Variants in PCDH9 observed in about 807,000 individuals in gnomAD.
PCDH9 encodes the protein protocadherin-9.
PCDH9 carries 24 observed loss-of-function variants against 70.6 expected under a neutral mutation model. That is an observed-to-expected ratio of 0.34 (90% CI 0.25 to 0.48). The LOEUF is 0.48. Ranked by LOEUF, PCDH9 falls within the 20% of genes least tolerant of loss-of-function variation. PCDH9 has a pLI of 0.99. For synonymous variants in PCDH9, 562 were observed against 558.5 expected (o/e 1.01, Z -0.09); for missense variants, 1,281 against 1,503.6 (o/e 0.85, Z 2.45).
At chr13:67,021,764 T>C (rs2084677254) in intron 2 of PCDH9, among the ~76,000 whole-genome samples, 1 of 152,094 alleles carries the variant, frequency 6.6e-6, no homozygotes, top group African/African-American at 2.4e-5. Context: ...TTCACCATGT[T>C]GGCCAGGCTG....
At chr13:66,562,591 G>A (rs1205327960) in intron 4 of PCDH9, among the ~76,000 whole-genome samples, 1 of 152,136 alleles carries the variant, frequency 6.6e-6, no homozygotes, top group African/African-American at 2.4e-5. Context: ...ATCAGATCTT[G>A]TGGGACATAT....
At chr13:67,111,751 G>A (rs1276425588) in intron 2 of PCDH9, among the ~76,000 whole-genome samples, 2 of 152,236 alleles carry the variant, frequency 1.3e-5, no homozygotes, top group South Asian at 2.1e-4. Flanking sequence ...CAGTGGAACC[G>A]AAGACAAAAT....
intron 3 of PCDH9, among the ~76,000 whole-genome samples, chr13:66,837,746 A>G (rs1043465712): frequency 6.6e-6 from 1 of 152,200 alleles, no homozygotes; most frequent in Non-Finnish European, 1.5e-5. Context: ...TCGTTAAAAA[A>G]CGACCTTTCC....
rs539082158 is a variant in PCDH9 at position 66,671,191 on chromosome 13, G to A, written c.3139-39780C>T. 4.5e-4 allele frequency among the ~76,000 whole-genome samples: 69 copies of A among 152,244 alleles called. 1 individual carries two copies. The highest frequency in any genetic ancestry group is 4.1e-3 in the Admixed American group (62 of 15,288). ...CTCCTTCGCCTTCTGCCACGATGGT[G>A]AGGCTCCCCAGCCATGTGGAACTGT... On this transcript the variant is annotated intron_variant, in intron 3 of 4. Coordinates refer to ENST00000377865, the MANE Select transcript of PCDH9 (RefSeq NM_203487.3).
chr13:66,789,460 A>G (rs1335861882), intron 3 of PCDH9, among the ~76,000 whole-genome samples: 2 of 152,034 alleles, frequency 1.3e-5, no homozygotes, highest in Admixed American at 1.3e-4. Context: ...TCATCAAAAG[A>G]GTCTCTATAC....
chr13:66,804,086 CA>C (rs1437900412), intron 3 of PCDH9, among the ~76,000 whole-genome samples: 1 of 152,170 alleles, frequency 6.6e-6, no homozygotes. Flanking sequence ...GCTGTAATAG[CA>C]GCATTCGGAT....
chr13:67,028,292 A>G (rs1188196549), intron 2 of PCDH9, among the ~76,000 whole-genome samples: 4 of 147,954 alleles, frequency 2.7e-5, no homozygotes, highest in African/African-American at 9.9e-5. Flanking sequence ...ATTGGAAATC[A>G]TCATTCTCAG....
chr13:66,804,225 A>T (rs2080375477), intron 3 of PCDH9, among the ~76,000 whole-genome samples: 1 of 152,164 alleles, frequency 6.6e-6, no homozygotes, highest in Admixed American at 6.6e-5. Context: ...AAACACTCTC[A>T]AATAATTCAG....
At chr13:66,713,625 G>GTGTGTATATATATATATA (rs1379996611) in intron 3 of PCDH9, among the ~76,000 whole-genome samples, 2 of 110,010 alleles carry the variant, frequency 1.8e-5, no homozygotes, top group African/African-American at 7.3e-5. Flanking sequence ...GTGTGTGTGT[G>GTGTGTATATATATATATA]TATATATATA....
At chr13:66,699,525 C>T (rs1406940951) in intron 3 of PCDH9, among the ~76,000 whole-genome samples, 3 of 152,064 alleles carry the variant, frequency 2.0e-5, no homozygotes, top group African/African-American at 7.2e-5. Context: ...AGAGGAGACA[C>T]AGAGAGAAAA....
At chr13:66,533,378 G>T (rs1960554659) in intron 4 of PCDH9, among the ~76,000 whole-genome samples, 1 of 142,068 alleles carries the variant, frequency 7.0e-6, no homozygotes, top group Non-Finnish European at 1.6e-5. Flanking sequence ...ATATCTCATG[G>T]TTGATTTTTT....
chr13:66,909,661 A>C (rs112214032), intron 2 of PCDH9, among the ~76,000 whole-genome samples: 4,378 of 151,936 alleles, frequency 0.029, 197 homozygotes, highest in African/African-American at 0.096. Flanking sequence ...CCCAGCTACT[A>C]GGGAGGCTGA....
chr13:67,044,465 T>C (rs2085184593), intron 2 of PCDH9, among the ~76,000 whole-genome samples: 1 of 152,170 alleles, frequency 6.6e-6, no homozygotes, highest in African/African-American at 2.4e-5. Context: ...CCTACACATA[T>C]GAAAGTGTGT....
chr13:66,378,961 C>T (rs1207316125), intron 4 of PCDH9, among the ~76,000 whole-genome samples: 1 of 152,214 alleles, frequency 6.6e-6, no homozygotes, highest in East Asian at 1.9e-4. Flanking sequence ...CTGTCAATAT[C>T]TGGCCTTTGT....
At chr13:66,868,112 T>C (rs980131681) in intron 3 of PCDH9, among the ~76,000 whole-genome samples, 7 of 152,044 alleles carry the variant, frequency 4.6e-5, no homozygotes, top group African/African-American at 1.7e-4. Flanking sequence ...TAATGAGTGA[T>C]TCAAATTTCA....
intron 4 of PCDH9, among the ~76,000 whole-genome samples, chr13:66,497,237 T>A (rs1047297904): frequency 5.3e-5 from 8 of 151,930 alleles, no homozygotes; most frequent in Non-Finnish European, 1.0e-4. Context: ...CCTGGCTATT[T>A]TTTTTTTTGT....
intron 3 of PCDH9, among the ~76,000 whole-genome samples, chr13:66,728,225 G>A (rs573663793): frequency 6.6e-6 from 1 of 152,156 alleles, no homozygotes; most frequent in African/African-American, 2.4e-5. Context: ...CTGTTTGACA[G>A]CCCTGGTTTT....
At chr13:66,699,450 A>G (rs2078608250) in intron 3 of PCDH9, among the ~76,000 whole-genome samples, 3 of 152,186 alleles carry the variant, frequency 2.0e-5, no homozygotes, top group African/African-American at 7.2e-5. Flanking sequence ...TCTTCAGATA[A>G]AATCACCCAG....
chr13:66,799,909 C>G (rs1021883542), intron 3 of PCDH9, among the ~76,000 whole-genome samples: 7 of 152,084 alleles, frequency 4.6e-5, no homozygotes, highest in Admixed American at 4.6e-4. Context: ...CTGTATTCCA[C>G]TACATCCATC....
Sources: gnomAD v4.1 joint callset for allele counts (sites outside exome capture counted in the v4.1 genomes callset) on GRCh38, gnomAD v4.1.1 for gene constraint, MANE v1.5 for transcripts, NCBI Gene and HGNC (gene_info 2026-07-23, HGNC 2026-07-21) for gene names.